The following ZBTB11 variants were observed in gnomAD, a reference collection of about 807,000 sequenced individuals.
The protein encoded by ZBTB11 is zinc finger and BTB domain containing 11, also known as zinc finger and BTB domain-containing protein 11.
In ZBTB11, 68 loss-of-function variants were observed where a neutral mutation model predicts 113.1. That is an observed-to-expected ratio of 0.60 (90% confidence interval 0.49 to 0.74). The LOEUF is 0.74. ZBTB11 is among the 30% of genes least tolerant of loss of function. ZBTB11 has a pLI of 0.00. For synonymous variants in ZBTB11, 518 were observed against 452.6 expected (o/e 1.14, Z -1.83); for missense variants, 1,104 against 1,279.4 (o/e 0.86, Z 2.09).
At chr3:101,669,830 CT>C (rs34961780) in intron 3 of ZBTB11, among the ~76,000 whole-genome samples, 18,915 of 141,008 alleles carry the variant, frequency 0.13, 1,075 homozygotes, top group South Asian at 0.23. Context: ...GCTATTAGTG[CT>C]TTTTTTTTTT....
At chr3:101,671,561 G>C (rs1390978096) in intron 2 of ZBTB11, 200 bp from the exon 3 acceptor site, 1 of 586,164 alleles carries the variant, frequency 1.7e-6, no homozygotes, top group Non-Finnish European at 3.0e-6. Context: ...CTCACCTAAT[G>C]AAAATCTGTA....
chr3:101,654,678 G>T, intron 8 of ZBTB11, 26 bp downstream of exon 8: 1 of 1,549,640 alleles, frequency 6.5e-7, no homozygotes, highest in Non-Finnish European at 8.8e-7. Context: ...TAAATTAACT[G>T]AATGCCTCAC....
At chr3:101,674,333 AAAAG>A (rs763235853) in intron 1 of ZBTB11, among the ~76,000 whole-genome samples, 6 of 151,622 alleles carry the variant, frequency 4.0e-5, no homozygotes, top group African/African-American at 1.5e-4. Flanking sequence ...AAAAGAGAAG[AAAAG>A]AAAGAAAGGA....
intron 5 of ZBTB11, 46 bp downstream of exon 5, chr3:101,664,492 A>G (rs761050611): frequency 5.8e-6 from 9 of 1,539,746 alleles, no homozygotes; most frequent in Non-Finnish European, 7.0e-6. Context: ...TGGATTCTAT[A>G]TATTATGAAT....
At position 101,664,608 on chromosome 3, in the gene ZBTB11, A is replaced by G. The variant is rs776892471; in HGVS notation, c.1730T>C (p.Val577Ala). The part of the protein sequence containing the change: ...ASHKCGECGM[V>A]FQRRYALIMH... The stretch of plus-strand genomic sequence containing the variant: ...TATAAGGGCGTATCGTCTCTGAAAA[A>G]CCATTCCACATTCCCCACATTTATG... Residue 577 changes from valine to alanine, a missense_variant, in exon 5 of 11, where the codon GTT becomes GCT. Val to Ala is a moderately conservative substitution (Grantham distance 64). Around this residue, in one of 5 missense-constraint regions of ZBTB11, gnomAD observed 535 missense variants for 518.6 expected, o/e 1.03. Transcript: ENST00000312938. 1 of 1,613,726 alleles carries G rather than the reference A, an allele frequency of 6.2e-7. No homozygotes were observed. The highest frequency in any genetic ancestry group is 1.1e-5 in the South Asian group (1 of 91,022).
At chr3:101,671,943 A>C (rs1937092634) in intron 2 of ZBTB11, 35 bp downstream of exon 2, 2 of 1,543,156 alleles carry the variant, frequency 1.3e-6, no homozygotes, top group Non-Finnish European at 1.8e-6. Flanking sequence ...TACACTAGTT[A>C]CAAATCTTAA....
Position 101,664,997 on chromosome 3 carries a change from T to C in ZBTB11, c.1590A>G (p.Lys530=), listed in dbSNP as rs771023369. 4 of 1,612,460 alleles carry C rather than the reference T, an allele frequency of 2.5e-6. No individual in the cohort carries two copies. Among genetic ancestry groups the C allele is most frequent in the Non-Finnish European group, 3.4e-6 (4 of 1,178,998 alleles). ...CTGCTGACTTGGGAACGGCTTTCCG[T>C]TTCTGCAGCTTTTTCTCCATTCCCT... is the stretch of plus-strand genomic sequence containing the variant. ...LHKGMEKKLQ[K]RKAVPKSAVQ... The change falls in exon 4 of 11, where the codon AAA becomes AAG. Residue 530 remains lysine, a synonymous_variant. Coordinates refer to ENST00000312938, the MANE Select transcript of ZBTB11 (RefSeq NM_014415.4).
Position 101,664,590 on chromosome 3 carries a change from G to A in ZBTB11, c.1748C>T (p.Ala583Val). ...ECGMVFQRRYALIMHKLKHER... is the reference protein window; with the variant it reads ...ECGMVFQRRYVLIMHKLKHER... Reference sequence around the variant, plus strand: ...ATGTTTCAGTTTGTGCATTATAAGGGCGTATCGTCTCTGAAAAACCATTCC... The same window carrying A: ...ATGTTTCAGTTTGTGCATTATAAGGACGTATCGTCTCTGAAAAACCATTCC... The change falls in exon 5 of 11, where the codon GCC (alanine) becomes GTC (valine). Residue 583 changes from alanine to valine, a missense_variant. This residue lies in a region of ZBTB11 where 535 missense variants were observed against 518.6 expected (regional missense o/e 1.03). Transcript: ENST00000312938. The A allele has an allele frequency of 6.2e-7, 1 of 1,613,686 alleles. No individual in the cohort carries two copies. Among genetic ancestry groups the A allele is most frequent in the Non-Finnish European group, 8.5e-7 (1 of 1,179,872 alleles).
At chr3:101,673,352 T>C (rs1479389443) in intron 1 of ZBTB11, among the ~76,000 whole-genome samples, 1 of 152,190 alleles carries the variant, frequency 6.6e-6, no homozygotes, top group Non-Finnish European at 1.5e-5. Context: ...CGGTATATTA[T>C]TCTACTTACA....
Position 101,651,406 on chromosome 3 carries a change from T to C in ZBTB11, c.2922A>G (p.Glu974=). ...GTTCTTGAGGACCACTGCTTTCTTG[T>C]TCCTGCATGCCTGCTGTTAAGATGC... is the stretch of plus-strand genomic sequence containing the variant. ...AVSILTAGMQ[E]QESSGPQELE... Residue 974 remains glutamate, a synonymous_variant, in exon 11 of 11, where the codon GAA becomes GAG. Coordinates refer to ENST00000312938, the MANE Select transcript of ZBTB11 (RefSeq NM_014415.4). 1.2e-6 allele frequency: 2 copies of C among 1,614,168 alleles called. No homozygotes were observed. The highest frequency in any genetic ancestry group is 1.7e-6 in the Non-Finnish European group (2 of 1,180,008).
Position 101,651,055 on chromosome 3 carries a change from C to A in ZBTB11, c.*111G>T. The A allele has an allele frequency of 7.6e-7, 1 of 1,318,146 alleles. No individual in the cohort carries two copies. Among genetic ancestry groups the A allele is most frequent in the Non-Finnish European group, 1.0e-6 (1 of 977,492 alleles). The allele number at this position is 1,318,146 out of a possible 1,614,324, so 81.7% of individuals were successfully genotyped here. On this transcript the variant is annotated 3_prime_UTR_variant, in exon 11 of 11. Coordinates refer to ENST00000312938, the MANE Select transcript of ZBTB11 (RefSeq NM_014415.4). ...GGAAACGTTACGTTACCAAACAGCC[C>A]AGAACTTTGATATGTAAACTCCAAG...
At position 101,652,943 on chromosome 3, in the gene ZBTB11, A is replaced by T. The variant is rs1275071962; in HGVS notation, c.2310-5T>A. The T allele has an allele frequency of 6.2e-7, 1 of 1,608,618 alleles. No individual in the cohort carries two copies. Among genetic ancestry groups the T allele is most frequent in the Non-Finnish European group, 8.5e-7 (1 of 1,177,952 alleles). The stretch of plus-strand genomic sequence containing the variant: ...TCAAAGAAACTTTTTTCACATCTGC[A>T]ATAAAGTTCAGTTACCCAATTGGAT... On this transcript the variant is annotated splice_region_variant and splice_polypyrimidine_tract_variant and intron_variant, in intron 8 of 10. Coordinates refer to ENST00000312938, the MANE Select transcript of ZBTB11 (RefSeq NM_014415.4).
Position 101,649,415 on chromosome 3 carries a change from A to G in ZBTB11, c.*1751T>C, listed in dbSNP as rs1387582016. ...GTAACAACTGATTTATGAACTGAAAATAGTAACAAGCTCAACTCCAAAGTT... is the reference window on the plus strand; with the variant it reads ...GTAACAACTGATTTATGAACTGAAAGTAGTAACAAGCTCAACTCCAAAGTT... On this transcript the variant is annotated 3_prime_UTR_variant, in exon 11 of 11. Transcript: ENST00000312938. 6.6e-6 allele frequency: 1 copy of G among 152,248 alleles called. No homozygotes were observed. Among genetic ancestry groups the G allele is most frequent in the Non-Finnish European group, 1.5e-5 (1 of 68,038 alleles). 9.4% of individuals were successfully genotyped at this position (152,248 alleles called of 1,614,324 possible).
chr3:101,673,115 A>G (rs1937108571), intron 1 of ZBTB11, among the ~76,000 whole-genome samples: 1 of 152,226 alleles, frequency 6.6e-6, no homozygotes. Flanking sequence ...GCCACTCACA[A>G]AAGATTTTGA....
chr3:101,676,589 G>A lies in ZBTB11; in HGVS notation c.310+16C>T. 1 of 1,467,628 alleles carries A rather than the reference G, an allele frequency of 6.8e-7. No individual in the cohort carries two copies. Among genetic ancestry groups the A allele is most frequent in the Non-Finnish European group, 9.0e-7 (1 of 1,109,768 alleles). 90.9% of individuals were successfully genotyped at this position (1,467,628 alleles called of 1,614,324 possible). On this transcript the variant is annotated intron_variant, in intron 1 of 10. Coordinates refer to ENST00000312938, the MANE Select transcript of ZBTB11 (RefSeq NM_014415.4). Reference sequence around the variant, plus strand: ...CGAGTCGCCAGCCCGCCCCCTCGCCGCGGGCTAGGTCTCACCTCGCCACCA... The same window carrying A: ...CGAGTCGCCAGCCCGCCCCCTCGCCACGGGCTAGGTCTCACCTCGCCACCA...
intron 9 of ZBTB11, 52 bp downstream of exon 9, chr3:101,652,728 T>C: frequency 2.5e-6 from 4 of 1,610,646 alleles, no homozygotes; most frequent in South Asian, 1.1e-5. Flanking sequence ...GCCATAACAA[T>C]CAGAGTACAC....
At position 101,651,353 on chromosome 3, in the gene ZBTB11, GT is replaced by G; in HGVS notation, c.2974del (p.Thr992LeufsTer33). ...TGCAACAGCTTCCAGAGCTTCCATA[GT>G]TTCTCCTGTCACTACCACAGTCTCA... The part of the protein sequence containing the change: ...ELETVVVTGE[T>X]MEALEAVAAT... On this transcript the variant is annotated frameshift_variant, in exon 11 of 11. Transcript: ENST00000312938. LOFTEE classifies it high-confidence loss of function. 6.2e-7 allele frequency: 1 copy of G among 1,614,024 alleles called. No homozygotes were observed. Among genetic ancestry groups the G allele is most frequent in the Non-Finnish European group, 8.5e-7 (1 of 1,179,952 alleles).
Position 101,650,448 on chromosome 3 carries a change from T to C in ZBTB11, c.*718A>G, listed in dbSNP as rs1936682489. The C allele has an allele frequency of 6.5e-6, 1 of 152,768 alleles. No individual in the cohort carries two copies. Among genetic ancestry groups the C allele is most frequent in the East Asian group, 1.9e-4 (1 of 5,188 alleles). The allele number at this position is 152,768 out of a possible 1,614,324, so 9.5% of individuals were successfully genotyped here. ...CAATTTACTTGCCTTGAAGAAATAG[T>C]ATAGTAAGGTTTTAATAAGCATTTC... On this transcript the variant is annotated 3_prime_UTR_variant, in exon 11 of 11. Transcript: ENST00000312938.
At position 101,664,567 on chromosome 3, in the gene ZBTB11, G is replaced by T. The variant is rs1021855487; in HGVS notation, c.1771C>A (p.His591Asn). 3.1e-6 allele frequency: 5 copies of T among 1,606,448 alleles called. No homozygotes were observed. In the African/African-American group the frequency reaches 6.7e-5, roughly 22 times the overall value. ...CATTTGTAATCTCTAGCTCTTTCAT[G>T]TTTCAGTTTGTGCATTATAAGGGCG... ...RYALIMHKLK[H>N]ERARDYKCPL... is the part of the protein sequence containing the mutation. Residue 591 changes from histidine to asparagine, a missense_variant, in exon 5 of 11, where the codon CAT (histidine) becomes AAT (asparagine). Transcript: ENST00000312938.
Sources: allele counts gnomAD v4.1 joint callset (sites outside exome capture counted in the v4.1 genomes callset), GRCh38; gene constraint gnomAD v4.1.1; regional missense constraint gnomAD v4.1.1; transcripts MANE v1.5; gene names NCBI Gene and HGNC (gene_info 2026-07-23, HGNC 2026-07-21).